The following TECTA variants were observed in gnomAD, a reference collection of about 807,000 sequenced individuals.
TECTA encodes tectorin alpha.
In TECTA, 128 loss-of-function variants were observed where a neutral mutation model predicts 216.8. The observed-to-expected ratio is 0.59, with a 90% CI of 0.51 to 0.68. The LOEUF (loss-of-function observed/expected upper bound fraction) is 0.68, where lower values mean the gene tolerates loss of function less well. Among genes scored for constraint, TECTA ranks in the 30% least tolerant of loss-of-function variants. The pLI is 0.00. For synonymous variants in TECTA, 1,089 were observed against 1,117.1 expected, an observed-to-expected ratio of 0.97 and a Z score of 0.50; for missense variants, 2,551 against 2,786.2, an observed-to-expected ratio of 0.92 and a Z score of 1.90.
intron 20 of TECTA, among the ~76,000 whole-genome samples, chr11:121,173,229 A>G (rs1947130842): frequency 6.6e-6 from 1 of 150,708 alleles, no homozygotes; most frequent in Admixed American, 6.6e-5. Context: ...TTTTGTTGCC[A>G]TTGCTTTTGG....
chr11:121,125,424 G>C lies in TECTA; in HGVS notation c.1326G>C (p.Gln442His). 6.2e-7 allele frequency: 1 copy of C among 1,614,214 alleles called. No individual in the cohort carries two copies. The highest frequency in any genetic ancestry group is 1.1e-5 in the South Asian group (1 of 91,088). The change falls in exon 8 of 24, where the codon CAG becomes CAC. Residue 442 changes from glutamine (Q) to histidine (H), a missense_variant. Transcript: ENST00000392793. ...GGCTCTTAGTGACTTTTGATGGCCA[G>C]CACTACGCCTCCATTTCCGTCCCAG... ...DFGLLVTFDG[Q>H]HYASISVPGS...
chr11:121,143,311 A>T (rs565180248), intron 11 of TECTA, among the ~76,000 whole-genome samples: 1 of 152,068 alleles, frequency 6.6e-6, no homozygotes, highest in Non-Finnish European at 1.5e-5. Flanking sequence ...GTAATTATTC[A>T]TATTTATCAG....
chr11:121,166,783 G>T lies in TECTA; in HGVS notation c.5586+3G>T, dbSNP rs994326069. On this transcript the variant is annotated splice_donor_region_variant and intron_variant, in intron 18 of 23. Coordinates refer to ENST00000392793, the MANE Select transcript of TECTA (RefSeq NM_005422.4). ...GGAATTGTGGAAACATTGTGCAGGT[G>T]AGAAAAGCAGCAGGAAAGAGCACCT... The T allele has an allele frequency of 1.2e-6, 2 of 1,613,490 alleles. No individual in the cohort carries two copies. Among genetic ancestry groups the T allele is most frequent in the Non-Finnish European group, 1.7e-6 (2 of 1,180,008 alleles).
At chr11:121,140,671 C>T (rs1946775817) in intron 11 of TECTA, among the ~76,000 whole-genome samples, 1 of 152,206 alleles carries the variant, frequency 6.6e-6, no homozygotes, top group African/African-American at 2.4e-5. Flanking sequence ...TGCCTCTCTC[C>T]TAGCTTCTGG....
At position 121,168,835 on chromosome 11, in the gene TECTA, C is replaced by T; in HGVS notation, c.5909C>T (p.Ala1970Val). ...YVGVFVVGADATHLILTLNKC... is the reference protein window; with the variant it reads ...YVGVFVVGADVTHLILTLNKC... ...GGGGTTTTTGTGGTTGGAGCTGACGCCACACATTTAATCCTAACACTCAAC... is the reference window on the plus strand; with the variant it reads ...GGGGTTTTTGTGGTTGGAGCTGACGTCACACATTTAATCCTAACACTCAAC... Residue 1970 changes from alanine (A) to valine (V), a missense_variant, in exon 20 of 24, where the codon GCC becomes GTC. This residue lies in a region of TECTA where 2,375 missense variants were observed against 2,563.9 expected (regional missense o/e 0.93). Transcript: ENST00000392793. 1 of 1,614,124 alleles carries T rather than the reference C, an allele frequency of 6.2e-7. No individual in the cohort carries two copies. The highest frequency in any genetic ancestry group is 8.5e-7 in the Non-Finnish European group (1 of 1,180,024).
In TECTA at chr11:121,128,339, G is replaced by A. The variant is rs372812990; in HGVS notation, c.2362G>A (p.Val788Ile). 6.3e-7 allele frequency: 1 copy of A among 1,599,418 alleles called. No homozygotes were observed. The highest frequency in any genetic ancestry group is 1.3e-5 in the African/African-American group (1 of 74,908). ...VKIGGIGASE[V>I]KLNGQEVELP... ...GATAGGAGGCATCGGGGCTTCGGAA[G>A]TCAAGGTAAGGCTCCTTGCTCCTTT... The change falls in exon 9 of 24, where the codon GTC (valine) becomes ATC (isoleucine). Residue 788 changes from valine to isoleucine, a missense_variant. By Grantham distance (29) the Val-to-Ile change is conservative. Coordinates refer to ENST00000392793, the MANE Select transcript of TECTA (RefSeq NM_005422.4).
chr11:121,117,233 T>A (rs1405637358), intron 6 of TECTA, among the ~76,000 whole-genome samples: 3 of 152,228 alleles, frequency 2.0e-5, no homozygotes, highest in African/African-American at 7.2e-5. Context: ...ACATCGCTGT[T>A]CTCTGTGAGA....
At chr11:121,110,150 C>T (rs1210660979) in intron 4 of TECTA, 2 of 155,044 alleles carry the variant, frequency 1.3e-5, no homozygotes, top group African/African-American at 4.8e-5. Flanking sequence ...AAGATTATCA[C>T]TGCCATTATT....
At chr11:121,147,534 T>G (rs899494997) in intron 12 of TECTA, among the ~76,000 whole-genome samples, 8 of 140,276 alleles carry the variant, frequency 5.7e-5, no homozygotes, top group Non-Finnish European at 1.2e-4. Context: ...CTCTAATGAC[T>G]TCAATAAAAT....
At chr11:121,135,858 G>C (rs1219632638) in intron 10 of TECTA, among the ~76,000 whole-genome samples, 1 of 152,156 alleles carries the variant, frequency 6.6e-6, no homozygotes, top group Non-Finnish European at 1.5e-5. Context: ...CCTGAGTTCT[G>C]TCCCTGCCTC....
At position 121,168,809 on chromosome 11, in the gene TECTA, A is replaced by C; in HGVS notation, c.5883A>C (p.Val1961=). The change falls in exon 20 of 24, where the codon GTA becomes GTC. Residue 1961 remains valine (V), a synonymous_variant. Coordinates refer to ENST00000392793, the MANE Select transcript of TECTA (RefSeq NM_005422.4). ...VVLTTRDVLY[V]GVFVVGADAT... Reference sequence around the variant, plus strand: ...TGACGACTCGAGATGTGCTGTATGTAGGGGTTTTTGTGGTTGGAGCTGACG... The same window carrying C: ...TGACGACTCGAGATGTGCTGTATGTCGGGGTTTTTGTGGTTGGAGCTGACG... 6.2e-7 allele frequency: 1 copy of C among 1,614,174 alleles called. No individual in the cohort carries two copies. The highest frequency in any genetic ancestry group is 1.7e-5 in the Admixed American group (1 of 60,030).
intron 10 of TECTA, among the ~76,000 whole-genome samples, chr11:121,131,110 AG>A (rs896342726): frequency 4.7e-5 from 7 of 149,244 alleles, no homozygotes; most frequent in African/African-American, 1.5e-4. Context: ...ACTATTTGGA[AG>A]GCTGAGGCAG....
In TECTA at chr11:121,168,184, T is replaced by C. The variant is rs368866297; in HGVS notation, c.5717T>C (p.Ile1906Thr). The C allele has an allele frequency of 2.2e-5, 36 of 1,614,104 alleles. No individual in the cohort carries two copies. Among genetic ancestry groups the C allele is most frequent in the Non-Finnish European group, 3.0e-5 (35 of 1,180,046 alleles). ...TGTGCTTATGAGCTGGATATCAAGATCTCCTTGGATTCTGTTGTGAAGCCT... is the reference window on the plus strand; with the variant it reads ...TGTGCTTATGAGCTGGATATCAAGACCTCCTTGGATTCTGTTGTGAAGCCT... ...FSCAYELDIK[I>T]SLDSVVKPML... Residue 1906 changes from isoleucine (I) to threonine (T), a missense_variant, in exon 19 of 24, where the codon ATC (isoleucine) becomes ACC (threonine). Physicochemically the swap from Ile to Thr is moderately conservative, Grantham distance 89. This residue lies in a region of TECTA where 2,375 missense variants were observed against 2,563.9 expected (regional missense o/e 0.93). Coordinates refer to ENST00000392793, the MANE Select transcript of TECTA (RefSeq NM_005422.4).
In TECTA at chr11:121,128,023, C is replaced by T. The variant is rs147404112; in HGVS notation, c.2046C>T (p.Asp682=). 3.7e-6 allele frequency: 6 copies of T among 1,613,442 alleles called. No individual in the cohort carries two copies. In the Admixed American group the frequency reaches 8.3e-5, roughly 22 times the overall value. The change falls in exon 9 of 24, where the codon GAC becomes GAT. Residue 682 remains aspartate (D), a synonymous_variant. Coordinates refer to ENST00000392793, the MANE Select transcript of TECTA (RefSeq NM_005422.4). ...TVQCLCEEGG[D]VYCFNKTCGS... ...AATGCCTGTGCGAGGAGGGCGGGGA[C>T]GTCTACTGCTTCAACAAGACCTGCG...
rs182781667 is a variant in TECTA at position 121,179,915 on chromosome 11, C to T, written c.6000-7917C>T. On this transcript the variant is annotated intron_variant, in intron 20 of 23. Transcript: ENST00000392793. ...TACTTTCAGTCTATGTGTGTCTTTA[C>T]AGGTGAAGTGAGTTTCTTGTAGGCA... is the stretch of plus-strand genomic sequence containing the variant. Among the ~76,000 whole-genome samples, 11 of 150,392 alleles carry T rather than the reference C, an allele frequency of 7.3e-5. 1 individual carries two copies. The East Asian group carries it at 2.1e-3, about 29-fold the overall frequency.
chr11:121,187,808 G>T, intron 20 of TECTA, 24 bp from the exon 21 acceptor site: 2 of 1,614,100 alleles, frequency 1.2e-6, no homozygotes, highest in Non-Finnish European at 1.7e-6. Context: ...GTGAAGCAAA[G>T]ATTCCATTAT....
intron 7 of TECTA, among the ~76,000 whole-genome samples, chr11:121,123,405 C>T (rs1387264572): frequency 6.6e-6 from 1 of 152,220 alleles, no homozygotes; most frequent in Non-Finnish European, 1.5e-5. Context: ...TGTGTGTGTT[C>T]TATAAGCTCA....
chr11:121,168,093 A>G lies in TECTA; in HGVS notation c.5626A>G (p.Ile1876Val). 1.9e-6 allele frequency: 3 copies of G among 1,614,210 alleles called. No individual in the cohort carries two copies. The highest frequency in any genetic ancestry group is 2.5e-6 in the Non-Finnish European group (3 of 1,180,034). The change falls in exon 19 of 24, where the codon ATC (isoleucine) becomes GTC (valine). Residue 1876 changes from isoleucine (I) to valine (V), a missense_variant. By Grantham distance (29) the Ile-to-Val change is conservative (BLOSUM62 3). This residue lies in a region of TECTA where 2,375 missense variants were observed against 2,563.9 expected (regional missense o/e 0.93). Transcript: ENST00000392793. The part of the protein sequence containing the change: ...THIMYKNTLW[I>V]ESANNTGNII... Reference sequence around the variant, plus strand: ...TATCATGTATAAAAACACACTCTGGATCGAAAGCGCCAACAACACTGGCAA... The same window carrying G: ...TATCATGTATAAAAACACACTCTGGGTCGAAAGCGCCAACAACACTGGCAA...
chr11:121,140,338 C>T (rs1232924598), intron 11 of TECTA, among the ~76,000 whole-genome samples: 2 of 152,170 alleles, frequency 1.3e-5, no homozygotes, highest in Middle Eastern at 3.2e-3. Flanking sequence ...CTAGGCATTT[C>T]CTTCCCTTTC....
Sources: allele counts gnomAD v4.1 joint callset (sites outside exome capture counted in the v4.1 genomes callset), GRCh38; gene constraint gnomAD v4.1.1; regional missense constraint gnomAD v4.1.1; transcripts MANE v1.5; gene names NCBI Gene and HGNC (gene_info 2026-07-23, HGNC 2026-07-21).